MANSC1: variants seen among roughly 807,000 people sequenced by gnomAD.
MANSC1 encodes the protein MANSC domain-containing protein 1.
MANSC1 carries 13 observed loss-of-function variants against 14.1 expected under a neutral mutation model. That is an observed-to-expected ratio of 0.92 (90% CI 0.60 to 1.46). The LOEUF (loss-of-function observed/expected upper bound fraction) is 1.46. Ranked by LOEUF, MANSC1 falls within the 40% of genes most tolerant of loss-of-function variation. The probability of loss-of-function intolerance (pLI) is 0.00; values close to 1 mark genes in which losing one functional copy is unlikely to be tolerated. For synonymous variants in MANSC1, 227 were observed against 200.7 expected, an observed-to-expected ratio of 1.13 and a Z score of -1.11; for missense variants, 486 against 511.4, an observed-to-expected ratio of 0.95 and a Z score of 0.48.
rs1862741483 is a variant in MANSC1 at position 12,328,856 on chromosome 12, CG to C, written c.*1170del. 1 of 151,748 alleles carries C rather than the reference CG, an allele frequency of 6.6e-6. No homozygotes were observed. Among genetic ancestry groups the C allele is most frequent in the Non-Finnish European group, 1.5e-5 (1 of 68,034 alleles). The allele number at this position is 151,748 out of a possible 1,614,324, so 9.4% of individuals were successfully genotyped here. A position where few individuals can be genotyped will look rare whatever the true frequency, so the allele number is the denominator to read the frequency against. On this transcript the variant is annotated 3_prime_UTR_variant, in exon 4 of 4. Transcript: ENST00000535902. ...ATAAAAAATTAGCTGGGCGTGTTGG[CG>C]GGCGCCTGTAGTCCCAGCTACTTGG...
intron 2 of MANSC1, among the ~76,000 whole-genome samples, chr12:12,339,812 CTCTTT>C (rs1862911197): frequency 1.3e-5 from 2 of 151,476 alleles, no homozygotes; most frequent in South Asian, 2.1e-4. Flanking sequence ...AATTTCTGGT[CTCTTT>C]TCTTTTCTTT....
chr12:12,344,953 A>ATATATATG (rs1862990449), intron 1 of MANSC1, among the ~76,000 whole-genome samples: 1 of 95,284 alleles, frequency 1.0e-5, no homozygotes, highest in African/African-American at 4.2e-5. Context: ...ATATATATAT[A>ATATATATG]TATATATATA....
chr12:12,329,824 C>A lies in MANSC1; in HGVS notation c.*203G>T, dbSNP rs73277459. The A allele has an allele frequency of 7.6e-6, 4 of 523,492 alleles. No individual in the cohort carries two copies. The highest frequency in any genetic ancestry group is 1.3e-5 in the Non-Finnish European group (4 of 297,314). 32.4% of individuals were successfully genotyped at this position (523,492 alleles called of 1,614,324 possible). A position where few individuals can be genotyped will look rare whatever the true frequency, so the allele number is the denominator to read the frequency against. ...GCTTGAACCCAGGAGACGGAGGTTGCGGTGAGAGCCGAGATCGTGCTACTG... is the reference window on the plus strand; with the variant it reads ...GCTTGAACCCAGGAGACGGAGGTTGAGGTGAGAGCCGAGATCGTGCTACTG... On this transcript the variant is annotated 3_prime_UTR_variant, in exon 4 of 4. Transcript: ENST00000535902.
chr12:12,339,226 T>C (rs1862902687), intron 2 of MANSC1: 1 of 155,952 alleles, frequency 6.4e-6, no homozygotes, highest in African/African-American at 2.4e-5. Context: ...CACAATGCTT[T>C]GCATGTTGCC....
intron 1 of MANSC1, among the ~76,000 whole-genome samples, chr12:12,344,921 A>G (rs1249526196): frequency 4.8e-5 from 1 of 20,728 alleles, no homozygotes; most frequent in Non-Finnish European, 9.5e-5. Flanking sequence ...ACTCCCATAT[A>G]TATATATATA....
intron 1 of MANSC1, 77 bp from the exon 2 acceptor site, chr12:12,343,491 AG>A: frequency 1.8e-6 from 1 of 569,136 alleles, no homozygotes; most frequent in Non-Finnish European, 3.1e-6. Context: ...ATTTCCTTAA[AG>A]TCAATGAAAA....
intron 2 of MANSC1, 121 bp from the exon 3 acceptor site, chr12:12,338,681 T>A (rs1396892038): frequency 1.1e-6 from 1 of 885,808 alleles, no homozygotes; most frequent in Non-Finnish European, 1.8e-6. Flanking sequence ...TTTTGTTCAC[T>A]TGCTTGCTGA....
At chr12:12,341,949 G>A (rs972318920) in intron 2 of MANSC1, among the ~76,000 whole-genome samples, 2 of 150,638 alleles carry the variant, frequency 1.3e-5, no homozygotes, top group South Asian at 2.1e-4. Context: ...CCAAGATTGC[G>A]CCACTGCGCT....
intron 3 of MANSC1, 120 bp downstream of exon 3, chr12:12,338,300 T>G (rs1862884544): frequency 1.2e-6 from 1 of 816,426 alleles, no homozygotes; most frequent in East Asian, 3.0e-5. Context: ...GTCATGAGAT[T>G]TTCTGATATG....
chr12:12,329,025 C>CACACACACA lies in MANSC1; in HGVS notation c.*1001_*1002insTGTGTGTGT, dbSNP rs1254787998. ...ACACACACACACACACACACACACA[C>CACACACACA]AAGTTAACTAGAACAGATCCCAAGT... On this transcript the variant is annotated 3_prime_UTR_variant, in exon 4 of 4. Coordinates refer to ENST00000535902, the MANE Select transcript of MANSC1 (RefSeq NM_018050.4). 7.9e-5 allele frequency: 12 copies of CACACACACA among 152,242 alleles called. No individual in the cohort carries two copies. The highest frequency in any genetic ancestry group is 2.7e-4 in the African/African-American group (11 of 40,260). 9.4% of individuals were successfully genotyped at this position (152,242 alleles called of 1,614,324 possible).
chr12:12,342,318 C>T (rs1474883717), intron 2 of MANSC1, among the ~76,000 whole-genome samples: 1 of 152,206 alleles, frequency 6.6e-6, no homozygotes, highest in African/African-American at 2.4e-5. Flanking sequence ...TGGCAACTAA[C>T]AAAGTGTTAA....
rs1862701168 is a variant in MANSC1, at chr12:12,326,319, C to CTTTT, written c.*3707_*3708insAAAA. On this transcript the variant is annotated 3_prime_UTR_variant, in exon 4 of 4. Coordinates refer to ENST00000535902, the MANE Select transcript of MANSC1 (RefSeq NM_018050.4). ...AGAAAGGGCTTTTCTCCTTGTGCAGCCTTCCCTTTACAAGCAAGAAAATCT... is the reference window on the plus strand; with the variant it reads ...AGAAAGGGCTTTTCTCCTTGTGCAGCTTTTCTTCCCTTTACAAGCAAGAAAATCT... 6.6e-6 allele frequency: 1 copy of CTTTT among 152,176 alleles called. No individual in the cohort carries two copies. Among genetic ancestry groups the CTTTT allele is most frequent in the Non-Finnish European group, 1.5e-5 (1 of 68,048 alleles). The allele number at this position is 152,176 out of a possible 1,614,324, so 9.4% of individuals were successfully genotyped here.
chr12:12,341,957 G>A (rs995842659), intron 2 of MANSC1, among the ~76,000 whole-genome samples: 6 of 149,802 alleles, frequency 4.0e-5, no homozygotes, highest in South Asian at 2.1e-4. Context: ...GCGCCACTGC[G>A]CTCCGTCCGG....
In MANSC1 at chr12:12,328,524, G is replaced by C. The variant is rs978675908; in HGVS notation, c.*1503C>G. The C allele has an allele frequency of 6.6e-6, 1 of 151,050 alleles. No homozygotes were observed. The highest frequency in any genetic ancestry group is 2.4e-5 in the African/African-American group (1 of 41,158). 9.4% of individuals were successfully genotyped at this position (151,050 alleles called of 1,614,324 possible). ...GCCCATCTCGGCCTCCCAAAGTGCT[G>C]GGATTACAGGCGTGAGCCACCGCGC... On this transcript the variant is annotated 3_prime_UTR_variant, in exon 4 of 4. Transcript: ENST00000535902.
In MANSC1 at chr12:12,343,282, G is replaced by T; in HGVS notation, c.33C>A (p.Tyr11Ter). 1 of 1,614,012 alleles carries T rather than the reference G, an allele frequency of 6.2e-7. No homozygotes were observed. Among genetic ancestry groups the T allele is most frequent in the Non-Finnish European group, 8.5e-7 (1 of 1,179,930 alleles). The change falls in exon 2 of 4, where the codon TAC becomes TAA. Residue 11 changes from tyrosine to a stop codon, truncating the protein, a stop_gained. Coordinates refer to ENST00000535902, the MANE Select transcript of MANSC1 (RefSeq NM_018050.4). LOFTEE classifies it high-confidence loss of function. MFFGGEGSLT[Y>*]TLVIICFLTL... Reference sequence around the variant, plus strand: ...TCAGGAAGCAAATTATTACCAAAGTGTAAGTCAAGCTCCCTTCTCCCCCGA... The same window carrying T: ...TCAGGAAGCAAATTATTACCAAAGTTTAAGTCAAGCTCCCTTCTCCCCCGA...
Position 12,343,162 on chromosome 12 carries a change from G to C in MANSC1, c.153C>G (p.Gly51=), listed in dbSNP as rs1862960284. The C allele has an allele frequency of 6.2e-7, 1 of 1,613,844 alleles. No homozygotes were observed. Among genetic ancestry groups the C allele is most frequent in the Non-Finnish European group, 8.5e-7 (1 of 1,179,832 alleles). The change falls in exon 2 of 4, where the codon GGC becomes GGG. Residue 51 remains glycine (G), a synonymous_variant. Transcript: ENST00000535902. ...IQSSLSKGIR[G]NEPVYTSTQE... is the part of the protein sequence containing the mutation. ...GAGTTGAAGTATATACGGGCTCATT[G>C]CCTCTGATTCCCTTAGAAAGAGATG...
chr12:12,336,047 G>T (rs995159310), intron 3 of MANSC1, among the ~76,000 whole-genome samples: 2 of 152,096 alleles, frequency 1.3e-5, no homozygotes, highest in Non-Finnish European at 2.9e-5. Context: ...GCCACGTGTA[G>T]TGGCATATGC....
At chr12:12,343,662 G>T (rs1489266823) in intron 1 of MANSC1, among the ~76,000 whole-genome samples, 2 of 152,128 alleles carry the variant, frequency 1.3e-5, no homozygotes, top group Non-Finnish European at 2.9e-5. Context: ...GCTTATGAAG[G>T]AACAGGTATA....
intron 1 of MANSC1, among the ~76,000 whole-genome samples, chr12:12,344,062 G>A (rs754892766): frequency 5.9e-5 from 9 of 151,944 alleles, no homozygotes; most frequent in South Asian, 2.1e-4. Context: ...GCAGTGAGCC[G>A]TGATTACACC....
Sources: allele counts gnomAD v4.1 joint callset (sites outside exome capture counted in the v4.1 genomes callset), GRCh38; gene constraint gnomAD v4.1.1; transcripts MANE v1.5; gene names NCBI Gene and HGNC (gene_info 2026-07-23, HGNC 2026-07-21).